The following CHL1 variants were observed in gnomAD, a reference collection of about 807,000 sequenced individuals.
CHL1 encodes the protein neural cell adhesion molecule L1-like protein.
A neutral mutation model predicts 141.9 loss-of-function variants in CHL1; 96 were observed. The observed-to-expected ratio is 0.68, with a 90% CI of 0.57 to 0.80. The LOEUF is 0.80. CHL1 is among the 30% of genes least tolerant of loss of function. The pLI is 0.00. For synonymous variants in CHL1, 613 were observed against 502.2 expected (o/e 1.22, Z -2.95); for missense variants, 1,820 against 1,457.2 (o/e 1.25, Z -4.05).
At chr3:324,853 G>T (rs1371561250) in intron 3 of CHL1, among the ~76,000 whole-genome samples, 1 of 151,826 alleles carries the variant, frequency 6.6e-6, no homozygotes, top group Non-Finnish European at 1.5e-5. Flanking sequence ...GCCACCCAAA[G>T]TGTTGGGATT....
rs1310264796 is a variant in CHL1 at position 377,913 on chromosome 3, C to A, written c.1847C>A (p.Ala616Asp). Residue 616 changes from alanine to aspartate, a missense_variant, in exon 16 of 28, where the codon GCT becomes GAT. Coordinates refer to ENST00000256509, the MANE Select transcript of CHL1 (RefSeq NM_006614.4). ...CCSAHTALDSAADITQVTVLD... is the reference protein window; with the variant it reads ...CCSAHTALDSDADITQVTVLD... ...TCAGCTCATACTGCTCTAGACAGTG[C>A]TGCCGATATAACTCAAGTAACTGTT... 3 of 1,610,704 alleles carry A rather than the reference C, an allele frequency of 1.9e-6. No homozygotes were observed. Among genetic ancestry groups the A allele is most frequent in the Non-Finnish European group, 2.5e-6 (3 of 1,178,748 alleles).
At chr3:238,189 A>G (rs1235572241) in intron 1 of CHL1, among the ~76,000 whole-genome samples, 3 of 152,160 alleles carry the variant, frequency 2.0e-5, no homozygotes, top group Non-Finnish European at 4.4e-5. Flanking sequence ...ATTTTGGCAC[A>G]CATTTTGAGG....
chr3:253,175 A>G (rs1559340106), intron 2 of CHL1, among the ~76,000 whole-genome samples: 2 of 152,140 alleles, frequency 1.3e-5, no homozygotes, highest in Admixed American at 6.6e-5. Flanking sequence ...TAATTGTACT[A>G]TATTTTACAC....
At chr3:212,269 A>C (rs6782582) in intron 1 of CHL1, among the ~76,000 whole-genome samples, 1 of 152,028 alleles carries the variant, frequency 6.6e-6, no homozygotes, top group African/African-American at 2.4e-5. Flanking sequence ...GTCTATTTTT[A>C]TATAGCATAA....
chr3:287,204 A>T (rs903151390), intron 2 of CHL1, among the ~76,000 whole-genome samples: 7 of 151,834 alleles, frequency 4.6e-5, no homozygotes, highest in Admixed American at 6.6e-5. Context: ...AAAATTTAAA[A>T]TGTCATATAT....
intron 6 of CHL1, 38 bp from the exon 7 acceptor site, chr3:341,874 A>G (rs2125149216): frequency 6.7e-7 from 1 of 1,495,610 alleles, no homozygotes; most frequent in Non-Finnish European, 9.1e-7. Flanking sequence ...ACAGTAAGGG[A>G]CAATTGCCCT....
chr3:311,382 T>TA (rs1188101230), intron 2 of CHL1, among the ~76,000 whole-genome samples: 1 of 148,724 alleles, frequency 6.7e-6, no homozygotes, highest in East Asian at 2.0e-4. Context: ...TTTTTTTTTT[T>TA]ACCCAGCATA....
intron 5 of CHL1, among the ~76,000 whole-genome samples, chr3:333,132 T>TTTTTTTTTTTTTTTTTTG (rs1701586842): frequency 1.0e-5 from 1 of 96,238 alleles, no homozygotes; most frequent in Non-Finnish European, 2.0e-5. Flanking sequence ...CTATTTTTTT[T>TTTTTTTTTTTTTTTTTTG]ATTTTTTTTT....
chr3:281,588 C>T (rs1199840016), intron 2 of CHL1, among the ~76,000 whole-genome samples: 1 of 145,876 alleles, frequency 6.9e-6, no homozygotes, highest in Non-Finnish European at 1.5e-5. Flanking sequence ...GAGACAAAGT[C>T]CCACTCTGTC....
At chr3:277,264 C>T (rs1696228788) in intron 2 of CHL1, among the ~76,000 whole-genome samples, 1 of 152,062 alleles carries the variant, frequency 6.6e-6, no homozygotes, top group Non-Finnish European at 1.5e-5. Flanking sequence ...CTAAGATGTT[C>T]TCAGTGCTAG....
chr3:252,361 G>GATATATACATAT (rs1693770151), intron 2 of CHL1, among the ~76,000 whole-genome samples: 6 of 54,274 alleles, frequency 1.1e-4, no homozygotes, highest in Non-Finnish European at 2.0e-4. Flanking sequence ...AAAGCATCCA[G>GATATATACATAT]ATATATATAT....
At chr3:283,103 A>G (rs1207908637) in intron 2 of CHL1, among the ~76,000 whole-genome samples, 1 of 152,220 alleles carries the variant, frequency 6.6e-6, no homozygotes, top group Non-Finnish European at 1.5e-5. Flanking sequence ...CACTTGACAC[A>G]GGGATCCTCA....
intron 15 of CHL1, 80 bp from the exon 16 acceptor site, chr3:377,738 A>G (rs1706514576): frequency 1.1e-6 from 1 of 951,778 alleles, no homozygotes. Context: ...TCGATAAGGA[A>G]TATGCATTTT....
chr3:226,579 G>A (rs1207281030), intron 1 of CHL1, among the ~76,000 whole-genome samples: 7 of 151,310 alleles, frequency 4.6e-5, no homozygotes, highest in African/African-American at 1.2e-4. Flanking sequence ...CCTCCCGAGT[G>A]GCTGGGATTA....
Position 377,813 on chromosome 3 carries a change from G to T in CHL1, c.1752-5G>T. 6.3e-7 allele frequency: 1 copy of T among 1,592,998 alleles called. No homozygotes were observed. Among genetic ancestry groups the T allele is most frequent in the Non-Finnish European group, 8.6e-7 (1 of 1,169,384 alleles). ...CTCATCATGTACTCACTTTTTTTCT[G>T]ATAGGATAATTATTGATGGAGCTAA... On this transcript the variant is annotated splice_polypyrimidine_tract_variant and splice_region_variant and intron_variant, in intron 15 of 27. Coordinates refer to ENST00000256509, the MANE Select transcript of CHL1 (RefSeq NM_006614.4).
intron 19 of CHL1, among the ~76,000 whole-genome samples, chr3:386,920 A>G (rs944545655): frequency 2.0e-5 from 3 of 152,192 alleles, no homozygotes; most frequent in Non-Finnish European, 4.4e-5. Context: ...AAAAATAAGT[A>G]TATGAAGTAA....
At chr3:372,332 T>C (rs1705740540) in intron 15 of CHL1, among the ~76,000 whole-genome samples, 1 of 152,134 alleles carries the variant, frequency 6.6e-6, no homozygotes. Flanking sequence ...TCTAGTCTTG[T>C]CTGCACACTG....
At chr3:276,890 TAAAAAA>T (rs11292528) in intron 2 of CHL1, among the ~76,000 whole-genome samples, 1 of 64,438 alleles carries the variant, frequency 1.6e-5, no homozygotes, top group South Asian at 7.4e-4. Flanking sequence ...CTCCGTCTCC[TAAAAAA>T]AAAAAAAAAA....
rs867670402 is a variant in CHL1 at position 404,090 on chromosome 3, A to C, written c.3459-1405A>C. Among the ~76,000 whole-genome samples, 160 of 152,290 alleles carry C rather than the reference A, an allele frequency of 1.1e-3. 1 individual carries two copies. The highest frequency in any genetic ancestry group is 3.6e-3 in the African/African-American group (150 of 41,576). ...GTGTCCCACAGAGATTGCCCTTTTC[A>C]TCTTAATCACTTAGGAGCACTGGCT... On this transcript the variant is annotated intron_variant, in intron 27 of 27. Coordinates refer to ENST00000256509, the MANE Select transcript of CHL1 (RefSeq NM_006614.4).
Sources: gnomAD v4.1 joint callset for allele counts (sites outside exome capture counted in the v4.1 genomes callset) on GRCh38, gnomAD v4.1.1 for gene constraint, MANE v1.5 for transcripts, NCBI Gene and HGNC (gene_info 2026-07-23, HGNC 2026-07-21) for gene names.